Variants in ITPR1 observed in about 807,000 individuals in gnomAD.
ITPR1 encodes the protein inositol 1,4,5-trisphosphate receptor type 1.
In ITPR1, 96 loss-of-function variants were observed where a neutral mutation model predicts 318.4. The observed-to-expected ratio is 0.30, with a 90% confidence interval of 0.26 to 0.36. The LOEUF (loss-of-function observed/expected upper bound fraction) is 0.36. ITPR1 is among the 10% of genes least tolerant of loss of function. The probability of loss-of-function intolerance (pLI) is 1.00; values close to 1 mark genes in which losing one functional copy is unlikely to be tolerated. For synonymous variants in ITPR1, 1,312 were observed against 1,289.9 expected (o/e 1.02, Z -0.37); for missense variants, 2,440 against 3,460.2 (o/e 0.71, Z 7.40).
At chr3:4,708,703 G>A (rs1435063974) in intron 37 of ITPR1, among the ~76,000 whole-genome samples, 2 of 152,166 alleles carry the variant, frequency 1.3e-5, no homozygotes, top group Non-Finnish European at 2.9e-5. Context: ...CGCGTAGGTG[G>A]GCAGTACTGT....
At chr3:4,816,729 C>T (rs2049328041) in intron 59 of ITPR1, among the ~76,000 whole-genome samples, 1 of 152,150 alleles carries the variant, frequency 6.6e-6, no homozygotes, top group Non-Finnish European at 1.5e-5. Context: ...TGCTAATTGC[C>T]AGGTTTTTCC....
At chr3:4,604,538 G>T (rs2091551485) in intron 4 of ITPR1, among the ~76,000 whole-genome samples, 1 of 152,154 alleles carries the variant, frequency 6.6e-6, no homozygotes, top group Admixed American at 6.5e-5. Flanking sequence ...GAGCTATCTG[G>T]CTGCAATGAC....
At chr3:4,507,983 T>A (rs1325497613) in intron 2 of ITPR1, among the ~76,000 whole-genome samples, 1 of 152,194 alleles carries the variant, frequency 6.6e-6, no homozygotes, top group Admixed American at 6.5e-5. Flanking sequence ...GTCAGTGATA[T>A]ATAAGATTTT....
intron 44 of ITPR1, among the ~76,000 whole-genome samples, chr3:4,753,013 C>G (rs993145046): frequency 8.6e-5 from 13 of 151,978 alleles, no homozygotes; most frequent in African/African-American, 1.2e-4. Flanking sequence ...CGAAGCGTGG[C>G]CAGGGAGGGC....
intron 4 of ITPR1, among the ~76,000 whole-genome samples, chr3:4,578,332 A>T (rs888068823): frequency 1.3e-5 from 2 of 152,060 alleles, no homozygotes; most frequent in African/African-American, 4.8e-5. Flanking sequence ...TTTGAGTGAC[A>T]GTATCAGAGA....
intron 39 of ITPR1, among the ~76,000 whole-genome samples, chr3:4,712,280 A>G (rs569042843): frequency 6.6e-6 from 1 of 152,226 alleles, no homozygotes; most frequent in African/African-American, 2.4e-5. Context: ...CTTTCAGTGC[A>G]TCAAGAAACG....
chr3:4,725,541 A>G lies in ITPR1; in HGVS notation c.5137-5A>G. 7.5e-6 allele frequency: 12 copies of G among 1,598,526 alleles called. No homozygotes were observed. The highest frequency in any genetic ancestry group is 4.5e-5 in the East Asian group (2 of 44,850). ...ACTAACGTACTTCGTTTTACTCCCA[A>G]TTAGCTTCCTCCAGCTCCGGATTCT... On this transcript the variant is annotated splice_polypyrimidine_tract_variant and splice_region_variant and intron_variant, in intron 40 of 61. Transcript: ENST00000649015.
At chr3:4,523,790 A>G (rs2082750515) in intron 4 of ITPR1, among the ~76,000 whole-genome samples, 2 of 152,218 alleles carry the variant, frequency 1.3e-5, no homozygotes, top group South Asian at 2.1e-4. Context: ...AAAAATAAAT[A>G]GGACTATAGC....
At chr3:4,681,795 A>G (rs945541257) in intron 26 of ITPR1, among the ~76,000 whole-genome samples, 3 of 152,118 alleles carry the variant, frequency 2.0e-5, no homozygotes, top group Admixed American at 1.3e-4. Flanking sequence ...AGTTAGTAAG[A>G]TCATGTCCTG....
rs1192292449 is a variant in ITPR1 at position 4,673,383 on chromosome 3, G to A, written c.2452G>A (p.Asp818Asn). The change falls in exon 21 of 62, where the codon GAC becomes AAC. Residue 818 changes from aspartate to asparagine, a missense_variant. Physicochemically the swap from Asp to Asn is conservative, Grantham distance 23 (BLOSUM62 1). This residue lies in a region of ITPR1 where 478 missense variants were observed against 696.3 expected (regional missense o/e 0.69). Transcript: ENST00000649015. ...WSEIPSEIAIDDYDSSGASKD... is the reference protein window; with the variant it reads ...WSEIPSEIAINDYDSSGASKD... ...GGAGATTCCCTCGGAGATCGCCATT[G>A]ACGAGTGAGCCTGGCACCTGAAAAC... The A allele has an allele frequency of 1.2e-6, 2 of 1,602,868 alleles. No individual in the cohort carries two copies. The highest frequency in any genetic ancestry group is 1.7e-5 in the Admixed American group (1 of 59,694).
At chr3:4,561,546 T>C (rs1472200813) in intron 4 of ITPR1, among the ~76,000 whole-genome samples, 1 of 152,150 alleles carries the variant, frequency 6.6e-6, no homozygotes, top group Non-Finnish European at 1.5e-5. Context: ...AAACTTACTT[T>C]TTTGGGTCCA....
chr3:4,818,305 C>T, intron 60 of ITPR1, 63 bp downstream of exon 60: 1 of 1,330,030 alleles, frequency 7.5e-7, no homozygotes, highest in Non-Finnish European at 1.0e-6. Flanking sequence ...TGAGCAAGGC[C>T]CCAGCAGCCC....
chr3:4,693,784 G>T, intron 33 of ITPR1, 43 bp downstream of exon 33: 1 of 1,576,830 alleles, frequency 6.3e-7, no homozygotes, highest in Non-Finnish European at 8.6e-7. Context: ...GTTGCTATGT[G>T]GTGTGTGCTG....
chr3:4,734,703 T>G (rs2043156447), intron 43 of ITPR1, among the ~76,000 whole-genome samples: 1 of 152,124 alleles, frequency 6.6e-6, no homozygotes, highest in South Asian at 2.1e-4. Flanking sequence ...ACAGATAAAT[T>G]ATGTAAAAGA....
chr3:4,533,701 C>T (rs1429207575), intron 4 of ITPR1, among the ~76,000 whole-genome samples: 1 of 152,146 alleles, frequency 6.6e-6, no homozygotes, highest in Non-Finnish European at 1.5e-5. Flanking sequence ...TTTAGCCTTC[C>T]TGAATTTTTT....
intron 4 of ITPR1, among the ~76,000 whole-genome samples, chr3:4,580,229 TTTA>T (rs1054496641): frequency 3.4e-4 from 51 of 152,024 alleles, no homozygotes; most frequent in Middle Eastern, 3.4e-3. Context: ...CCAAAAAACC[TTTA>T]TTATTATTTT....
intron 4 of ITPR1, among the ~76,000 whole-genome samples, chr3:4,606,650 C>T (rs1160727577): frequency 6.6e-6 from 1 of 152,018 alleles, no homozygotes; most frequent in East Asian, 1.9e-4. Context: ...ATTATGTATT[C>T]GTCTCATGCT....
intron 31 of ITPR1, among the ~76,000 whole-genome samples, chr3:4,689,484 AT>A (rs1475582423): frequency 2.0e-5 from 3 of 152,230 alleles, no homozygotes; most frequent in African/African-American, 7.2e-5. Flanking sequence ...TCATTGGAGC[AT>A]TTCATATTTT....
intron 44 of ITPR1, among the ~76,000 whole-genome samples, chr3:4,753,823 G>A (rs771978142): frequency 4.6e-5 from 7 of 152,024 alleles, no homozygotes; most frequent in South Asian, 2.1e-4. Context: ...GGTACTGTGC[G>A]GGCTCTCACC....
Sources: gnomAD v4.1 joint callset for allele counts (sites outside exome capture counted in the v4.1 genomes callset) on GRCh38, gnomAD v4.1.1 for gene constraint, gnomAD v4.1.1 regional missense constraint, MANE v1.5 for transcripts, NCBI Gene and HGNC (gene_info 2026-07-23, HGNC 2026-07-21) for gene names.